Variants in CCBE1 observed in about 807,000 individuals in gnomAD.
CCBE1 encodes collagen and calcium-binding EGF domain-containing protein 1.
A neutral mutation model predicts 50.0 loss-of-function variants in CCBE1; 37 were observed. The observed-to-expected ratio is 0.74, with a 90% confidence interval of 0.57 to 0.97. CCBE1 has a LOEUF of 0.97. Ranked by LOEUF, CCBE1 falls within the 50% of genes least tolerant of loss-of-function variation. The probability of loss-of-function intolerance (pLI) is 0.00; values close to 1 mark genes in which losing one functional copy is unlikely to be tolerated. For synonymous variants in CCBE1, 234 were observed against 203.7 expected (o/e 1.15, Z -1.27); for missense variants, 538 against 523.8 (o/e 1.03, Z -0.26).
chr18:59,604,153 G>A (rs1282543108), intron 2 of CCBE1, among the ~76,000 whole-genome samples: 1 of 152,156 alleles, frequency 6.6e-6, no homozygotes, highest in Non-Finnish European at 1.5e-5. Flanking sequence ...ATCTAAGGAG[G>A]GCCCCTCTTC....
intron 2 of CCBE1, among the ~76,000 whole-genome samples, chr18:59,613,117 G>A (rs2053594699): frequency 6.6e-6 from 1 of 152,002 alleles, no homozygotes; most frequent in Non-Finnish European, 1.5e-5. Context: ...GCTCTTATCG[G>A]AAGTAACTGG....
rs1003230022 is a variant in CCBE1 at position 59,485,395 on chromosome 18, A to G, written c.213-5157T>C. On this transcript the variant is annotated intron_variant, in intron 2 of 10. Coordinates refer to ENST00000439986, the MANE Select transcript of CCBE1 (RefSeq NM_133459.4). ...TGCATCATCAGACTGTCTGCTGATCATTATGTTAGAGACTAGAAAAGAATT... is the reference window on the plus strand; with the variant it reads ...TGCATCATCAGACTGTCTGCTGATCGTTATGTTAGAGACTAGAAAAGAATT... Among the ~76,000 whole-genome samples, 38 of 152,162 alleles carry G rather than the reference A, an allele frequency of 2.5e-4. 1 individual carries two copies. The highest frequency in any genetic ancestry group is 2.9e-5 in the Non-Finnish European group (2 of 68,018).
chr18:59,446,477 C>T (rs781025665), intron 7 of CCBE1, among the ~76,000 whole-genome samples: 2 of 152,134 alleles, frequency 1.3e-5, no homozygotes, highest in Admixed American at 6.6e-5. Flanking sequence ...CACCATGACC[C>T]GGAGTACCTC....
chr18:59,653,460 T>C (rs79613449), intron 2 of CCBE1, among the ~76,000 whole-genome samples: 2,266 of 152,300 alleles, frequency 0.015, 63 homozygotes, highest in African/African-American at 0.052. Context: ...ACAAATCACA[T>C]AGCTTAAAGG....
At chr18:59,538,292 T>C (rs1320425955) in intron 2 of CCBE1, among the ~76,000 whole-genome samples, 3 of 152,232 alleles carry the variant, frequency 2.0e-5, no homozygotes, top group Non-Finnish European at 4.4e-5. Context: ...TGCCAAAATA[T>C]ACATGCACAT....
chr18:59,488,942 C>T (rs936150248), intron 2 of CCBE1, among the ~76,000 whole-genome samples: 2 of 152,092 alleles, frequency 1.3e-5, no homozygotes, highest in Non-Finnish European at 2.9e-5. Flanking sequence ...ACAAGGAGCC[C>T]CTGCTATAGT....
At chr18:59,510,648 C>T (rs1914091535) in intron 2 of CCBE1, among the ~76,000 whole-genome samples, 1 of 152,186 alleles carries the variant, frequency 6.6e-6, no homozygotes, top group African/African-American at 2.4e-5. Flanking sequence ...TCCTGAACTC[C>T]TGACCTCAGG....
chr18:59,607,855 A>G (rs971448075), intron 2 of CCBE1, among the ~76,000 whole-genome samples: 2 of 152,196 alleles, frequency 1.3e-5, no homozygotes, highest in African/African-American at 4.8e-5. Flanking sequence ...CAGACGGATC[A>G]CCTGAGGTCA....
intron 5 of CCBE1, among the ~76,000 whole-genome samples, chr18:59,458,121 A>AATCCATCC (rs72142081): frequency 1.3e-5 from 2 of 150,958 alleles, no homozygotes; most frequent in Admixed American, 6.6e-5. Context: ...TCTGTCCATC[A>AATCCATCC]ATCCATCCAT....
chr18:59,580,789 C>T (rs957995914), intron 2 of CCBE1, among the ~76,000 whole-genome samples: 1 of 152,146 alleles, frequency 6.6e-6, no homozygotes, highest in African/African-American at 2.4e-5. Flanking sequence ...GGGAAAAAAA[C>T]TTCCTGTGGA....
chr18:59,640,421 C>T (rs1256594090), intron 2 of CCBE1, among the ~76,000 whole-genome samples: 1 of 152,114 alleles, frequency 6.6e-6, no homozygotes, highest in Non-Finnish European at 1.5e-5. Context: ...GGATAGCTGG[C>T]TAGCCATATG....
chr18:59,537,441 T>C (rs1354323780), intron 2 of CCBE1, among the ~76,000 whole-genome samples: 1 of 152,170 alleles, frequency 6.6e-6, no homozygotes, highest in Non-Finnish European at 1.5e-5. Flanking sequence ...GTTCCCATTG[T>C]AGTGAATAAG....
chr18:59,675,046 C>G (rs2054481221), intron 2 of CCBE1, among the ~76,000 whole-genome samples: 1 of 152,066 alleles, frequency 6.6e-6, no homozygotes, highest in Admixed American at 6.6e-5. Flanking sequence ...TCGACCATGG[C>G]TTTTCATAAG....
intron 7 of CCBE1, among the ~76,000 whole-genome samples, chr18:59,441,495 A>G (rs1910422065): frequency 6.6e-6 from 1 of 152,026 alleles, no homozygotes; most frequent in Non-Finnish European, 1.5e-5. Flanking sequence ...AAAAAAAAAA[A>G]AAAATCAAAA....
intron 2 of CCBE1, among the ~76,000 whole-genome samples, chr18:59,626,318 C>G (rs1415578232): frequency 6.6e-6 from 1 of 152,176 alleles, no homozygotes; most frequent in Non-Finnish European, 1.5e-5. Flanking sequence ...TTTTGAAAGT[C>G]CAAGCTTTCC....
chr18:59,519,768 T>C (rs570921550), intron 2 of CCBE1, among the ~76,000 whole-genome samples: 2 of 152,362 alleles, frequency 1.3e-5, no homozygotes, highest in South Asian at 2.1e-4. Flanking sequence ...CTGAATGGTA[T>C]TGCCTAGGTT....
intron 2 of CCBE1, among the ~76,000 whole-genome samples, chr18:59,642,564 A>G (rs1052602718): frequency 1.3e-5 from 2 of 152,226 alleles, no homozygotes; most frequent in African/African-American, 4.8e-5. Flanking sequence ...ATGTCTAAGA[A>G]CAATCCAAAT....
chr18:59,514,327 G>T (rs1284312832), intron 2 of CCBE1, among the ~76,000 whole-genome samples: 1 of 151,924 alleles, frequency 6.6e-6, no homozygotes, highest in Non-Finnish European at 1.5e-5. Context: ...TGGACTCTTG[G>T]TAGCGCCCCT....
chr18:59,566,716 C>T (rs555352857), intron 2 of CCBE1, among the ~76,000 whole-genome samples: 1 of 152,166 alleles, frequency 6.6e-6, no homozygotes, highest in Non-Finnish European at 1.5e-5. Flanking sequence ...TTAAGAAATA[C>T]TACCACTGAC....
Sources: allele counts gnomAD v4.1 joint callset (sites outside exome capture counted in the v4.1 genomes callset), GRCh38; gene constraint gnomAD v4.1.1; transcripts MANE v1.5; gene names NCBI Gene and HGNC (gene_info 2026-07-23, HGNC 2026-07-21).